LOC128462377: variants seen among roughly 807,000 people sequenced by gnomAD.
chr16:89,373,956 G>T, the LOC128462377 span, among the ~76,000 whole-genome samples: 1 of 152,242 alleles, frequency 6.6e-6, no homozygotes, highest in South Asian at 2.1e-4. Flanking sequence ...GCGGGCTGGG[G>T]CCCTGGCCCA....
the LOC128462377 span, chr16:89,324,490 G>A: frequency 1.5e-5 from 7 of 456,392 alleles, no homozygotes; most frequent in Admixed American, 4.7e-5. Context: ...ATGTGTAACT[G>A]TTCCTGGGAG....
chr16:89,368,871 A>T, the LOC128462377 span, among the ~76,000 whole-genome samples: 1 of 152,142 alleles, frequency 6.6e-6, no homozygotes. Flanking sequence ...CTGCACTCAA[A>T]TCTAGGGGAG....
the LOC128462377 span, chr16:89,324,349 AGAGGGAAAAAGCCAG>A: frequency 9.2e-7 from 1 of 1,086,764 alleles, no homozygotes; most frequent in Non-Finnish European, 1.2e-6. Flanking sequence ...GCCTCACAGA[AGAGGGAAAAAGCCAG>A]GAGGGCGGCA....
the LOC128462377 span, among the ~76,000 whole-genome samples, chr16:89,365,868 A>T: frequency 5.3e-5 from 8 of 151,692 alleles, no homozygotes; most frequent in Admixed American, 4.6e-4. Flanking sequence ...CTCCACCCCC[A>T]ACCCTCAAGC....
the LOC128462377 span, among the ~76,000 whole-genome samples, chr16:89,349,686 G>T: frequency 6.6e-6 from 1 of 152,102 alleles, no homozygotes; most frequent in African/African-American, 2.4e-5. Context: ...TGAAAACTAT[G>T]TATCTTGTAG....
At chr16:89,414,261 A>C in the LOC128462377 span, among the ~76,000 whole-genome samples, 1 of 152,246 alleles carries the variant, frequency 6.6e-6, no homozygotes, top group Non-Finnish European at 1.5e-5. Flanking sequence ...TGTTATCATT[A>C]ACAAACCACT....
At chr16:89,323,408 G>A in the LOC128462377 span, 1 of 1,194,230 alleles carries the variant, frequency 8.4e-7, no homozygotes, top group African/African-American at 1.7e-5. Flanking sequence ...GCAGCCCAGG[G>A]CAGGGGGGCT....
the LOC128462377 span, among the ~76,000 whole-genome samples, chr16:89,353,628 C>T: frequency 1.3e-5 from 2 of 152,086 alleles, no homozygotes; most frequent in African/African-American, 2.4e-5. Flanking sequence ...CAGGCATGCA[C>T]AACCACGCTT....
chr16:89,358,725 C>G, the LOC128462377 span, among the ~76,000 whole-genome samples: 735 of 152,322 alleles, frequency 4.8e-3, 12 homozygotes, highest in Non-Finnish European at 1.6e-3. Context: ...GTGCTGAGGA[C>G]GGGACATCTG....
chr16:89,369,236 G>T, the LOC128462377 span, among the ~76,000 whole-genome samples: 1 of 152,044 alleles, frequency 6.6e-6, no homozygotes, highest in Non-Finnish European at 1.5e-5. Flanking sequence ...CAAACAAAAG[G>T]CAGTGCAGCG....
the LOC128462377 span, among the ~76,000 whole-genome samples, chr16:89,414,878 G>A: frequency 6.6e-6 from 1 of 152,210 alleles, no homozygotes; most frequent in Non-Finnish European, 1.5e-5. Context: ...TCCACCCCAA[G>A]GAATCAAAGT....
At chr16:89,351,193 G>A in the LOC128462377 span, among the ~76,000 whole-genome samples, 19 of 152,336 alleles carry the variant, frequency 1.2e-4, no homozygotes, top group Non-Finnish European at 2.4e-4. Context: ...GCAGAGAGGC[G>A]GCGGCGGCAG....
chr16:89,324,180 G>C, the LOC128462377 span: 3 of 1,157,970 alleles, frequency 2.6e-6, no homozygotes, highest in African/African-American at 1.6e-5. Flanking sequence ...ATCACGGCGG[G>C]GGGTGGCAGC....
the LOC128462377 span, among the ~76,000 whole-genome samples, chr16:89,358,096 A>G: frequency 3.3e-5 from 5 of 152,252 alleles, no homozygotes; most frequent in African/African-American, 1.2e-4. Flanking sequence ...TTTTGACCCA[A>G]GGACACAGGT....
At chr16:89,357,174 C>G in the LOC128462377 span, among the ~76,000 whole-genome samples, 3 of 152,318 alleles carry the variant, frequency 2.0e-5, no homozygotes, top group East Asian at 5.8e-4. Context: ...TCGGCCAGAG[C>G]TACAACACAC....
the LOC128462377 span, among the ~76,000 whole-genome samples, chr16:89,339,320 A>C: frequency 6.6e-6 from 1 of 152,228 alleles, no homozygotes; most frequent in Non-Finnish European, 1.5e-5. Flanking sequence ...CCAAAGGAGT[A>C]AGAGAGGCCC....
chr16:89,411,125 G>C, the LOC128462377 span, among the ~76,000 whole-genome samples: 1 of 152,384 alleles, frequency 6.6e-6, no homozygotes, highest in East Asian at 1.9e-4. Context: ...GGCCAGGGCA[G>C]AAGGCAGCAG....
At chr16:89,410,130 C>T in the LOC128462377 span, among the ~76,000 whole-genome samples, 41 of 152,164 alleles carry the variant, frequency 2.7e-4, no homozygotes, top group African/African-American at 9.7e-4. Context: ...TGAGCCACCG[C>T]GTCCAGCCTC....
the LOC128462377 span, among the ~76,000 whole-genome samples, chr16:89,318,371 T>C: frequency 5.9e-5 from 9 of 152,214 alleles, no homozygotes; most frequent in Non-Finnish European, 1.2e-4. Flanking sequence ...CCCCCCATCA[T>C]GTCCTCGCCG....
Sources: allele counts gnomAD v4.1 joint callset (sites outside exome capture counted in the v4.1 genomes callset), GRCh38; gene constraint gnomAD v4.1.1; transcripts MANE v1.5.